Variants in FOXN3 observed in about 807,000 individuals in gnomAD.
FOXN3 encodes forkhead box N3, also known as forkhead box protein N3.
FOXN3 carries 7 observed loss-of-function variants against 38.4 expected under a neutral mutation model. The observed-to-expected ratio is 0.18, with a 90% CI of 0.10 to 0.34. FOXN3 has a LOEUF of 0.34. FOXN3 is among the 10% of genes least tolerant of loss of function. FOXN3 has a pLI of 1.00. For missense variants in FOXN3, 456 were observed against 613.4 expected, an observed-to-expected ratio of 0.74 and a Z score of 2.71; for synonymous variants, 230 against 242.2, an observed-to-expected ratio of 0.95 and a Z score of 0.47.
chr14:89,192,534 A>G (rs1011513130), intron 4 of FOXN3, among the ~76,000 whole-genome samples: 1 of 122,914 alleles, frequency 8.1e-6, no homozygotes, highest in Non-Finnish European at 1.6e-5. Context: ...TAATAGTTGT[A>G]TATAACTTTA....
rs200852280 is a variant in FOXN3, at chr14:89,264,548, G to A, written c.745+16402C>T. On this transcript the variant is annotated intron_variant, in intron 4 of 5. Transcript: ENST00000557258. ...ACAGCCAAACTATATCACATCACAA[G>A]GATAACCAGAACCTTGGCCTGTCTT... 3.3e-5 allele frequency among the ~76,000 whole-genome samples: 5 copies of A among 152,264 alleles called. No homozygotes were observed. The East Asian group carries it at 7.7e-4, about 23-fold the overall frequency.
chr14:89,497,037 C>G (rs966994738), intron 1 of FOXN3, among the ~76,000 whole-genome samples: 1 of 152,216 alleles, frequency 6.6e-6, no homozygotes, highest in Non-Finnish European at 1.5e-5. Flanking sequence ...TTACTGCAAC[C>G]TCCGCTTCCC....
At chr14:89,276,533 G>C (rs906197781) in intron 4 of FOXN3, among the ~76,000 whole-genome samples, 2 of 152,176 alleles carry the variant, frequency 1.3e-5, no homozygotes, top group African/African-American at 2.4e-5. Flanking sequence ...TCTTAGAGTG[G>C]GTGGGCCAAG....
At chr14:89,408,761 A>G (rs971503024) in intron 2 of FOXN3, among the ~76,000 whole-genome samples, 1 of 152,086 alleles carries the variant, frequency 6.6e-6, no homozygotes, top group African/African-American at 2.4e-5. Context: ...AATTCACTGC[A>G]TACAACTTGC....
intron 3 of FOXN3, among the ~76,000 whole-genome samples, chr14:89,331,122 C>T (rs1888235317): frequency 6.6e-6 from 1 of 152,214 alleles, no homozygotes; most frequent in South Asian, 2.1e-4. Flanking sequence ...TGTATTCACA[C>T]TGTTGTGCAA....
chr14:89,562,068 G>A (rs1305336283), intron 1 of FOXN3, among the ~76,000 whole-genome samples: 1 of 152,090 alleles, frequency 6.6e-6, no homozygotes, highest in Non-Finnish European at 1.5e-5. Context: ...TGTAAAAAAT[G>A]TACAGGTAAG....
At chr14:89,394,332 T>C (rs1312908360) in intron 2 of FOXN3, among the ~76,000 whole-genome samples, 1 of 150,918 alleles carries the variant, frequency 6.6e-6, no homozygotes, top group Non-Finnish European at 1.5e-5. Context: ...GCCTCCCTGG[T>C]AGCTGCGATT....
At chr14:89,182,849 A>C (rs147398979) in intron 4 of FOXN3, among the ~76,000 whole-genome samples, 184 of 152,340 alleles carry the variant, frequency 1.2e-3, no homozygotes, top group African/African-American at 4.1e-3. Context: ...ATTTTTGACA[A>C]GGGTACTGAG....
intron 1 of FOXN3, among the ~76,000 whole-genome samples, chr14:89,465,270 G>GC (rs1289601988): frequency 6.6e-6 from 1 of 151,982 alleles, no homozygotes; most frequent in East Asian, 1.9e-4. Flanking sequence ...TTGCTCTGTT[G>GC]CCAGGCTGGA....
chr14:89,360,767 T>TACCACCTCCACCACTACCACCTCCAGC (rs1889495924), intron 2 of FOXN3, among the ~76,000 whole-genome samples: 3 of 17,806 alleles, frequency 1.7e-4, no homozygotes, highest in African/African-American at 6.6e-4. Flanking sequence ...CCTCCACCAC[T>TACCACCTCCACCACTACCACCTCCAGC]ACCACCTCCA....
intron 1 of FOXN3, among the ~76,000 whole-genome samples, chr14:89,469,022 T>G (rs1020918456): frequency 6.6e-6 from 1 of 152,150 alleles, no homozygotes; most frequent in Non-Finnish European, 1.5e-5. Flanking sequence ...ATTCTCAAAT[T>G]TTGCATCATA....
intron 1 of FOXN3, among the ~76,000 whole-genome samples, chr14:89,585,667 G>A (rs1296464150): frequency 6.6e-6 from 1 of 151,186 alleles, no homozygotes; most frequent in Non-Finnish European, 1.5e-5. Flanking sequence ...TAATAGGCCG[G>A]TCTGAGTACA....
chr14:89,261,963 G>C (rs997421941), intron 4 of FOXN3, among the ~76,000 whole-genome samples: 2 of 152,216 alleles, frequency 1.3e-5, no homozygotes, highest in Non-Finnish European at 2.9e-5. Context: ...AATTAGCCAG[G>C]TGTGGTGGTG....
intron 1 of FOXN3, among the ~76,000 whole-genome samples, chr14:89,513,344 C>CT (rs1894134929): frequency 6.6e-6 from 1 of 151,658 alleles, no homozygotes; most frequent in South Asian, 2.1e-4. Context: ...TAGCTCTCAG[C>CT]CTCCTGAGCA....
At chr14:89,492,298 G>A (rs1893593925) in intron 1 of FOXN3, among the ~76,000 whole-genome samples, 1 of 152,196 alleles carries the variant, frequency 6.6e-6, no homozygotes, top group Non-Finnish European at 1.5e-5. Context: ...GATACATGGG[G>A]CACACACCAG....
intron 2 of FOXN3, among the ~76,000 whole-genome samples, chr14:89,389,923 A>C (rs1437825031): frequency 2.0e-5 from 3 of 146,426 alleles, no homozygotes; most frequent in East Asian, 3.9e-4. Context: ...TTTTATAAAC[A>C]AAAAAAAAAA....
chr14:89,587,867 GAAAAAAAA>G (rs11366681), intron 1 of FOXN3, among the ~76,000 whole-genome samples: 1 of 64,638 alleles, frequency 1.5e-5, no homozygotes, highest in Non-Finnish European at 3.0e-5. Flanking sequence ...CTCTGTCTCA[GAAAAAAAA>G]AAAAAAAAAA....
At chr14:89,410,009 G>A (rs1222069821) in intron 2 of FOXN3, among the ~76,000 whole-genome samples, 2 of 152,046 alleles carry the variant, frequency 1.3e-5, no homozygotes, top group Non-Finnish European at 2.9e-5. Context: ...CTGCACGCTC[G>A]ACCCAGGCAT....
At chr14:89,467,272 G>T (rs71426917) in intron 1 of FOXN3, among the ~76,000 whole-genome samples, 1 of 152,074 alleles carries the variant, frequency 6.6e-6, no homozygotes, top group Non-Finnish European at 1.5e-5. Flanking sequence ...CCCGGGGTGC[G>T]TGTCGCCATC....
Sources: allele counts gnomAD v4.1 joint callset (sites outside exome capture counted in the v4.1 genomes callset), GRCh38; gene constraint gnomAD v4.1.1; transcripts MANE v1.5; gene names NCBI Gene and HGNC (gene_info 2026-07-23, HGNC 2026-07-21).